PARD3B: variants seen among roughly 807,000 people sequenced by gnomAD.
PARD3B encodes partitioning defective 3 homolog B.
Under a neutral mutation model 130.2 loss-of-function variants are expected in PARD3B, and 103 were observed. The ratio of observed to expected loss-of-function variants is 0.79; its 90% CI spans 0.67 to 0.93. The LOEUF is 0.93. Among genes scored for constraint, PARD3B ranks in the 40% least tolerant of loss-of-function variants. The pLI, the probability that PARD3B is intolerant of heterozygous loss-of-function variation, is 0.00. For synonymous variants in PARD3B, 583 were observed against 553.2 expected (o/e 1.05, Z -0.76); for missense variants, 1,609 against 1,499.2 (o/e 1.07, Z -1.21).
chr2:205,287,343 A>G lies in PARD3B; in HGVS notation c.2186-13187A>G, dbSNP rs200035104. 6.6e-5 allele frequency among the ~76,000 whole-genome samples: 10 copies of G among 152,364 alleles called. No individual in the cohort carries two copies. In the East Asian group the frequency reaches 1.5e-3, roughly 24 times the overall value. On this transcript the variant is annotated intron_variant, in intron 16 of 22. Transcript: ENST00000406610. The surrounding 1 kb of genome is among the most constrained non-coding windows in gnomAD (Gnocchi z 4.8). ...CTAAAATGTTCAGAGGAACATCCAC[A>G]AAGAAATGTAGCTGCACCCAGGGTC...
At chr2:204,895,476 C>A (rs893821145) in intron 2 of PARD3B, among the ~76,000 whole-genome samples, 1 of 151,768 alleles carries the variant, frequency 6.6e-6, no homozygotes, top group Non-Finnish European at 1.5e-5. Context: ...GGTATTTAAC[C>A]GATATATATC....
At chr2:205,295,799 C>A (rs2041768676) in intron 16 of PARD3B, among the ~76,000 whole-genome samples, 1 of 152,202 alleles carries the variant, frequency 6.6e-6, no homozygotes, top group South Asian at 2.1e-4. Context: ...AGAAGGGCAA[C>A]TAAGACTCCA....
At chr2:205,555,910 C>T (rs1318747552) in intron 22 of PARD3B, among the ~76,000 whole-genome samples, 1 of 152,094 alleles carries the variant, frequency 6.6e-6, no homozygotes, top group Non-Finnish European at 1.5e-5. Context: ...GGGTGGGGGG[C>T]TCCAAATTAA....
chr2:205,355,142 G>A (rs13389747), intron 18 of PARD3B, among the ~76,000 whole-genome samples: 8,588 of 152,172 alleles, frequency 0.056, 638 homozygotes, highest in African/African-American at 0.17. Flanking sequence ...CTCACCATTG[G>A]ATTAATACTT....
chr2:205,019,365 A>G (rs1251116145), intron 3 of PARD3B, among the ~76,000 whole-genome samples: 2 of 152,154 alleles, frequency 1.3e-5, no homozygotes, highest in Non-Finnish European at 2.9e-5. Context: ...GGATATGCCA[A>G]ATTTTATTTG....
intron 3 of PARD3B, among the ~76,000 whole-genome samples, chr2:205,040,840 A>C (rs950882055): frequency 6.6e-6 from 1 of 151,938 alleles, no homozygotes; most frequent in Non-Finnish European, 1.5e-5. Context: ...AAACTGTCCA[A>C]CTGTTTTGGT....
Position 205,473,592 on chromosome 2 carries a change from A to G in PARD3B, c.3045-26304A>G, listed in dbSNP as rs2106264747. Among the ~76,000 whole-genome samples the G allele has an allele frequency of 6.6e-6, 1 of 150,692 alleles. No homozygotes were observed. Among genetic ancestry groups the G allele is most frequent in the African/African-American group, 2.4e-5 (1 of 41,222 alleles). ...AGAGCTGAAATAAAAATAAACAGGAAGGTGGCATGTACTAACTGAAATGCT... is the reference window on the plus strand; with the variant it reads ...AGAGCTGAAATAAAAATAAACAGGAGGGTGGCATGTACTAACTGAAATGCT... On this transcript the variant is annotated intron_variant, in intron 20 of 22. Coordinates refer to ENST00000406610, the MANE Select transcript of PARD3B (RefSeq NM_001302769.2). This position sits in a 1 kb window ranked among gnomAD's most constrained non-coding sequence, Gnocchi z 4.9.
At chr2:205,362,438 G>A (rs1181008452) in intron 18 of PARD3B, among the ~76,000 whole-genome samples, 2 of 152,134 alleles carry the variant, frequency 1.3e-5, no homozygotes, top group African/African-American at 4.8e-5. Context: ...GTTAGTTCAG[G>A]TAAACAGACA....
Position 204,824,273 on chromosome 2 carries a change from G to A in PARD3B, c.222+137991G>A, listed in dbSNP as rs141726203. 2.0e-3 allele frequency among the ~76,000 whole-genome samples: 303 copies of A among 152,256 alleles called. 5 individuals are homozygous for A. Among genetic ancestry groups the A allele is most frequent in the Admixed American group, 0.015 (236 of 15,284 alleles). ...TACAAGTACACTGGAGAGGAGAGGA[G>A]AGTGAAAATATATTATTTTTATCTT... On this transcript the variant is annotated intron_variant, in intron 2 of 22. Transcript: ENST00000406610.
intron 18 of PARD3B, among the ~76,000 whole-genome samples, chr2:205,398,860 G>C (rs1366070079): frequency 6.6e-6 from 1 of 152,124 alleles, no homozygotes; most frequent in South Asian, 2.1e-4. Context: ...TACAGTACAG[G>C]ACTTTCTTCA....
At chr2:204,605,257 T>G (rs2033669713) in intron 1 of PARD3B, among the ~76,000 whole-genome samples, 1 of 151,940 alleles carries the variant, frequency 6.6e-6, no homozygotes. Context: ...ATGAGAGGAG[T>G]AGCAAAGAAC....
Position 205,440,602 on chromosome 2 carries a change from G to A in PARD3B, c.2974G>A (p.Glu992Lys), listed in dbSNP as rs1369723372. The A allele has an allele frequency of 6.2e-7, 1 of 1,613,872 alleles. No individual in the cohort carries two copies. The highest frequency in any genetic ancestry group is 1.3e-5 in the African/African-American group (1 of 74,898). Residue 992 changes from glutamate to lysine, a missense_variant, in exon 20 of 23, where the codon GAA becomes AAA. Transcript: ENST00000406610. This position sits in a 1 kb window ranked among gnomAD's most constrained non-coding sequence, Gnocchi z 4.2. ...TCGGGATGGCCATCCACTGTCTCCA[G>A]AAAGAGACCACTTAGAGGGTCTCTA... ...YPRDGHPLSP[E>K]RDHLEGLYAK...
intron 2 of PARD3B, among the ~76,000 whole-genome samples, chr2:204,892,308 G>T (rs1014731756): frequency 6.6e-6 from 1 of 152,180 alleles, no homozygotes; most frequent in East Asian, 1.9e-4. Context: ...GACAGGTGCA[G>T]TGGGTGGAGG....
chr2:205,464,455 A>G (rs2048555983), intron 20 of PARD3B, among the ~76,000 whole-genome samples: 1 of 152,168 alleles, frequency 6.6e-6, no homozygotes, highest in Non-Finnish European at 1.5e-5. Context: ...TGGGGGAGTC[A>G]CAGGCCTGTC....
At chr2:204,657,119 G>A (rs550222788) in intron 1 of PARD3B, among the ~76,000 whole-genome samples, 3 of 152,260 alleles carry the variant, frequency 2.0e-5, no homozygotes, top group East Asian at 3.9e-4. Context: ...TCCCACTGTC[G>A]TATCACTTTC....
chr2:204,803,163 A>AAAAAAT (rs1553528190), intron 2 of PARD3B, among the ~76,000 whole-genome samples: 1 of 90,782 alleles, frequency 1.1e-5, no homozygotes, highest in Non-Finnish European at 2.3e-5. Context: ...AAAAAAAAAA[A>AAAAAAT]ATATATATAT....
At chr2:204,701,921 T>C (rs1192333094) in intron 2 of PARD3B, among the ~76,000 whole-genome samples, 3 of 152,082 alleles carry the variant, frequency 2.0e-5, no homozygotes, top group African/African-American at 7.2e-5. Flanking sequence ...AAGTCCCCAA[T>C]GTCTATTGTT....
At chr2:204,603,516 T>A (rs1407688349) in intron 1 of PARD3B, among the ~76,000 whole-genome samples, 1 of 152,172 alleles carries the variant, frequency 6.6e-6, no homozygotes, top group Non-Finnish European at 1.5e-5. Flanking sequence ...CAGGAACAGA[T>A]AATGAAAACA....
chr2:205,225,522 A>G (rs528964452), intron 15 of PARD3B, among the ~76,000 whole-genome samples: 1 of 152,274 alleles, frequency 6.6e-6, no homozygotes, highest in East Asian at 1.9e-4. Context: ...TTCAGATGGT[A>G]TATTAGTCTG....
Sources: gnomAD v4.1 joint callset for allele counts (sites outside exome capture counted in the v4.1 genomes callset) on GRCh38, gnomAD v4.1.1 for gene constraint, Gnocchi (gnomAD v3.1) non-coding constraint, MANE v1.5 for transcripts, NCBI Gene and HGNC (gene_info 2026-07-23, HGNC 2026-07-21) for gene names.